The following GRAMD2B variants were observed in gnomAD, a reference collection of about 807,000 sequenced individuals.
GRAMD2B encodes the protein GRAM domain-containing protein 2B.
GRAMD2B carries 41 observed loss-of-function variants against 59.2 expected under a neutral mutation model. The observed-to-expected ratio is 0.69, with a 90% confidence interval of 0.54 to 0.90. The LOEUF is 0.90. GRAMD2B is among the 40% of genes least tolerant of loss of function. GRAMD2B has a pLI of 0.00. For missense variants in GRAMD2B, 424 were observed against 500.5 expected, an observed-to-expected ratio of 0.85 and a Z score of 1.46; for synonymous variants, 161 against 182.7, an observed-to-expected ratio of 0.88 and a Z score of 0.96.
chr5:126,484,998 C>T (rs1772630786), intron 10 of GRAMD2B, among the ~76,000 whole-genome samples: 1 of 152,120 alleles, frequency 6.6e-6, no homozygotes, highest in Admixed American at 6.5e-5. Flanking sequence ...TACCCAGTTC[C>T]GTGCTTACAG....
chr5:126,402,438 C>A (rs924753667), intron 1 of GRAMD2B, among the ~76,000 whole-genome samples: 9 of 152,052 alleles, frequency 5.9e-5, no homozygotes, highest in African/African-American at 2.2e-4. Flanking sequence ...ATAAACTGAG[C>A]CTTCATTCCA....
At chr5:126,371,395 A>T (rs1316996430) in exon 1 of GRAMD2B, 2 of 1,251,074 alleles carry the variant, frequency 1.6e-6, no homozygotes, top group South Asian at 1.3e-5. Flanking sequence ...GAGACTCAGA[A>T]ATGAGCTTTT....
At chr5:126,385,951 G>A (rs1026462008) in intron 1 of GRAMD2B, among the ~76,000 whole-genome samples, 1 of 152,180 alleles carries the variant, frequency 6.6e-6, no homozygotes, top group African/African-American at 2.4e-5. Flanking sequence ...ATTTCAAGTT[G>A]CTGAAAGAAC....
chr5:126,394,510 G>A (rs1439502335), intron 1 of GRAMD2B, among the ~76,000 whole-genome samples: 2 of 152,192 alleles, frequency 1.3e-5, no homozygotes, highest in African/African-American at 4.8e-5. Context: ...GCCATAATGA[G>A]CTGCCTGTAG....
chr5:126,395,957 G>A (rs534910545), intron 1 of GRAMD2B, among the ~76,000 whole-genome samples: 151 of 152,248 alleles, frequency 9.9e-4, no homozygotes, highest in African/African-American at 3.6e-3. Context: ...ATTTGTGGGT[G>A]TGTGATAAGA....
At chr5:126,396,349 C>A (rs1757361292) in intron 1 of GRAMD2B, among the ~76,000 whole-genome samples, 1 of 152,074 alleles carries the variant, frequency 6.6e-6, no homozygotes, top group African/African-American at 2.4e-5. Flanking sequence ...TACCAATAAG[C>A]CCCGGTGTGT....
chr5:126,423,726 G>T (rs1561500843), intron 1 of GRAMD2B, 37 bp downstream of exon 1: 2 of 1,567,818 alleles, frequency 1.3e-6, no homozygotes, highest in East Asian at 2.4e-5. Flanking sequence ...CAAGGAGGTG[G>T]GAGGAGCGCA....
chr5:126,443,096 G>A lies in GRAMD2B; in HGVS notation c.83+19407G>A, dbSNP rs111395188. 7.8e-3 allele frequency among the ~76,000 whole-genome samples: 1,190 copies of A among 152,280 alleles called. 23 individuals carry two copies. Among genetic ancestry groups the A allele is most frequent in the African/African-American group, 0.027 (1,139 of 41,550 alleles). On this transcript the variant is annotated intron_variant, in intron 1 of 13. Coordinates refer to ENST00000285689, the MANE Select transcript of GRAMD2B (RefSeq NM_023927.4). Reference sequence around the variant, plus strand: ...CTCCTTAGAAGATTGCTGGATGAAAGTAACAATAGTAATTGACTCGCTTCC... The same window carrying A: ...CTCCTTAGAAGATTGCTGGATGAAAATAACAATAGTAATTGACTCGCTTCC...
chr5:126,456,237 G>T (rs1274420783), intron 1 of GRAMD2B, among the ~76,000 whole-genome samples: 1 of 151,904 alleles, frequency 6.6e-6, no homozygotes, highest in Non-Finnish European at 1.5e-5. Flanking sequence ...TTGAGACAGG[G>T]TCTCACTCTG....
intron 1 of GRAMD2B, among the ~76,000 whole-genome samples, chr5:126,464,273 A>C (rs754485342): frequency 7.9e-5 from 12 of 152,238 alleles, no homozygotes; most frequent in Non-Finnish European, 1.8e-4. Context: ...AAGATTAGCT[A>C]ATCTCTCATA....
intron 1 of GRAMD2B, among the ~76,000 whole-genome samples, chr5:126,375,706 A>G (rs1005233496): frequency 2.0e-5 from 3 of 152,212 alleles, no homozygotes; most frequent in Admixed American, 1.3e-4. Context: ...TTACACAAGC[A>G]AGGAACACTA....
At chr5:126,375,373 TG>T (rs1442715974) in intron 1 of GRAMD2B, among the ~76,000 whole-genome samples, 4 of 152,018 alleles carry the variant, frequency 2.6e-5, no homozygotes, top group African/African-American at 2.4e-5. Context: ...GAAATCTTTT[TG>T]TTTTTTTTTT....
rs1009240138 is a variant in GRAMD2B, at chr5:126,493,357, A to C, written c.*401A>C. 5.9e-6 allele frequency: 1 copy of C among 170,008 alleles called. No homozygotes were observed. The highest frequency in any genetic ancestry group is 1.6e-4 in the East Asian group (1 of 6,298). The allele number at this position is 170,008 out of a possible 1,614,324, so 10.5% of individuals were successfully genotyped here. A position where few individuals can be genotyped will look rare whatever the true frequency, so the allele number is the denominator to read the frequency against. On this transcript the variant is annotated 3_prime_UTR_variant, in exon 14 of 14. Transcript: ENST00000285689. ...CTTAACGACTTTCAAACTAAAGGAT[A>C]CATCATATACTGACAAACTCAATGT... is the stretch of plus-strand genomic sequence containing the variant.
At position 126,462,999 on chromosome 5, in the gene GRAMD2B, G is replaced by A. The variant is rs74319959; in HGVS notation, c.84-2427G>A. ...TTTTCAGTGCTAAGCTAGGGGTCCCGAAACAGGACCACCTTATGTGGTTAA... is the reference window on the plus strand; with the variant it reads ...TTTTCAGTGCTAAGCTAGGGGTCCCAAAACAGGACCACCTTATGTGGTTAA... On this transcript the variant is annotated intron_variant, in intron 1 of 13. Transcript: ENST00000285689. Among the ~76,000 whole-genome samples the A allele has an allele frequency of 8.7e-3, 1,326 of 152,324 alleles. 20 individuals are homozygous for A. Among genetic ancestry groups the A allele is most frequent in the African/African-American group, 0.029 (1,225 of 41,560 alleles).
At chr5:126,387,622 G>A (rs184456420) in intron 1 of GRAMD2B, among the ~76,000 whole-genome samples, 133 of 151,906 alleles carry the variant, frequency 8.8e-4, no homozygotes, top group African/African-American at 2.8e-3. Context: ...TAAGTGGAAA[G>A]GGTCCAGACC....
intron 1 of GRAMD2B, among the ~76,000 whole-genome samples, chr5:126,405,758 T>C (rs1758212497): frequency 6.6e-6 from 1 of 151,872 alleles, no homozygotes; most frequent in African/African-American, 2.4e-5. Context: ...ACCGTTTGCT[T>C]TTCTTGGTTC....
At chr5:126,371,224 A>T (rs778186424), upstream of GRAMD2B, 16 of 769,532 alleles carry the variant, frequency 2.1e-5, no homozygotes, top group African/African-American at 3.8e-5. Context: ...TTTACAGCAA[A>T]CATAGGTAGG....
At chr5:126,414,470 A>G (rs759551527) in intron 1 of GRAMD2B, among the ~76,000 whole-genome samples, 6 of 152,086 alleles carry the variant, frequency 3.9e-5, no homozygotes, top group Non-Finnish European at 8.8e-5. Flanking sequence ...GTATTCTCGT[A>G]TGTTGTTGAG....
At chr5:126,360,254 T>C (rs889155103) in exon 1 of GRAMD2B, 1 of 1,496,364 alleles carries the variant, frequency 6.7e-7, no homozygotes, top group Non-Finnish European at 9.0e-7. Flanking sequence ...GAGCTGTGGT[T>C]GGGCAGATCT....
Sources: allele counts gnomAD v4.1 joint callset (sites outside exome capture counted in the v4.1 genomes callset), GRCh38; gene constraint gnomAD v4.1.1; transcripts MANE v1.5; gene names NCBI Gene and HGNC (gene_info 2026-07-23, HGNC 2026-07-21).